Variants in TRAM2 observed in about 807,000 individuals in gnomAD.
TRAM2 encodes translocating chain-associated membrane protein 2.
TRAM2 carries 12 observed loss-of-function variants against 51.0 expected under a neutral mutation model. That is an observed-to-expected ratio of 0.24 (90% confidence interval 0.15 to 0.38). TRAM2 has a LOEUF of 0.38. Among genes scored for constraint, TRAM2 ranks in the 10% least tolerant of loss-of-function variants. The pLI, the probability that TRAM2 is intolerant of heterozygous loss-of-function variation, is 1.00. For synonymous variants in TRAM2, 175 were observed against 179.4 expected (o/e 0.98, Z 0.20); for missense variants, 361 against 462.0 (o/e 0.78, Z 2.00).
chr6:52,515,345 G>A (rs1766528299), intron 4 of TRAM2, among the ~76,000 whole-genome samples: 4 of 152,340 alleles, frequency 2.6e-5, no homozygotes, highest in Non-Finnish European at 5.9e-5. Flanking sequence ...TCCTTTCTAT[G>A]AGGGAATTTT....
At chr6:52,569,625 T>C (rs1203785871) in intron 1 of TRAM2, among the ~76,000 whole-genome samples, 2 of 151,768 alleles carry the variant, frequency 1.3e-5, no homozygotes, top group East Asian at 2.0e-4. Flanking sequence ...TCAACAGCAA[T>C]GGCTCGAGGT....
chr6:52,569,693 C>T (rs1767647100), intron 1 of TRAM2, among the ~76,000 whole-genome samples: 1 of 151,992 alleles, frequency 6.6e-6, no homozygotes. Context: ...AGACCTGACT[C>T]CTATCCACAA....
intron 1 of TRAM2, among the ~76,000 whole-genome samples, chr6:52,544,594 C>G (rs776231107): frequency 1.3e-5 from 2 of 152,234 alleles, no homozygotes; most frequent in Non-Finnish European, 2.9e-5. Flanking sequence ...CCATCTTGCT[C>G]GAGTCTACAA....
At chr6:52,505,014 C>T (rs1183623948) in intron 9 of TRAM2, among the ~76,000 whole-genome samples, 3 of 152,254 alleles carry the variant, frequency 2.0e-5, no homozygotes, top group South Asian at 2.1e-4. Flanking sequence ...TCTACAATCA[C>T]GCTACTCCTA....
chr6:52,512,606 G>A (rs1443745689), intron 4 of TRAM2, among the ~76,000 whole-genome samples: 2 of 152,190 alleles, frequency 1.3e-5, no homozygotes, highest in Non-Finnish European at 2.9e-5. Context: ...ACAGGCCCCA[G>A]CAGATGGTTT....
At chr6:52,507,275 G>A (rs567662090) in intron 7 of TRAM2, among the ~76,000 whole-genome samples, 29 of 152,334 alleles carry the variant, frequency 1.9e-4, no homozygotes, top group African/African-American at 7.0e-4. Flanking sequence ...TCTCTGTTGA[G>A]GGTCTTCTTC....
At chr6:52,504,878 C>A in intron 9 of TRAM2, 124 bp from the exon 10 acceptor site, 1 of 793,410 alleles carries the variant, frequency 1.3e-6, no homozygotes, top group Non-Finnish European at 2.0e-6. Flanking sequence ...TCCGCCTTCA[C>A]CACTGGCCCT....
intron 2 of TRAM2, chr6:52,529,403 C>CCTAA (rs3062724): frequency 0.69 from 104,215 of 151,744 alleles, 36,767 homozygotes; most frequent in East Asian, 0.89. Context: ...TATTTGAAAG[C>CCTAA]CTAGAGATTT....
At position 52,503,135 on chromosome 6, in the gene TRAM2, C is replaced by T. The variant is rs1195568726; in HGVS notation, c.*62G>A. ...AGGAAGGAGGAGGCAGGGAGGGGGC[C>T]TGGGCTCCTTGCCCCCTGCTCGGCC... On this transcript the variant is annotated 3_prime_UTR_variant, in exon 11 of 11. Coordinates refer to ENST00000182527, the MANE Select transcript of TRAM2 (RefSeq NM_012288.4). 2 of 1,404,248 alleles carry T rather than the reference C, an allele frequency of 1.4e-6. No individual in the cohort carries two copies. The highest frequency in any genetic ancestry group is 1.4e-5 in the African/African-American group (1 of 70,684). The allele number at this position is 1,404,248 out of a possible 1,614,324, so 87.0% of individuals were successfully genotyped here.
At position 52,510,484 on chromosome 6, in the gene TRAM2, G is replaced by A. The variant is rs149957527; in HGVS notation, c.412-898C>T. Among the ~76,000 whole-genome samples the A allele has an allele frequency of 8.9e-3, 1,354 of 152,296 alleles. 16 individuals carry two copies. The highest frequency in any genetic ancestry group is 0.026 in the Admixed American group (404 of 15,300). ...CAAAAGGCACTAGTTATGGGCCAGG[G>A]TTTTTGTGCCCATGTGAGAACAGAA... On this transcript the variant is annotated intron_variant, in intron 4 of 10. Coordinates refer to ENST00000182527, the MANE Select transcript of TRAM2 (RefSeq NM_012288.4).
intron 1 of TRAM2, among the ~76,000 whole-genome samples, chr6:52,568,232 G>A (rs1767622811): frequency 6.6e-6 from 1 of 152,142 alleles, no homozygotes; most frequent in Non-Finnish European, 1.5e-5. Context: ...TGAAAGAAGG[G>A]CACACGTTCC....
At chr6:52,575,020 G>T (rs953287445) in intron 1 of TRAM2, among the ~76,000 whole-genome samples, 5 of 152,198 alleles carry the variant, frequency 3.3e-5, no homozygotes, top group African/African-American at 4.8e-5. Flanking sequence ...GCACTTGGAG[G>T]CCTCTTAGAA....
intron 4 of TRAM2, among the ~76,000 whole-genome samples, chr6:52,515,236 A>T (rs1157350850): frequency 6.6e-6 from 1 of 152,214 alleles, no homozygotes; most frequent in Non-Finnish European, 1.5e-5. Context: ...GCCAGGTTAC[A>T]GGAAGGTAGA....
chr6:52,529,604 G>C (rs1226862534), intron 2 of TRAM2: 7 of 152,166 alleles, frequency 4.6e-5, no homozygotes, highest in Non-Finnish European at 1.0e-4. Context: ...CCCTTCAGAG[G>C]ACTCCCAGGG....
At position 52,503,178 on chromosome 6, in the gene TRAM2, T is replaced by C. The variant is rs769056221; in HGVS notation, c.*19A>G. The C allele has an allele frequency of 9.9e-6, 16 of 1,610,746 alleles. No individual in the cohort carries two copies. Among genetic ancestry groups the C allele is most frequent in the Non-Finnish European group, 1.4e-5 (16 of 1,177,370 alleles). On this transcript the variant is annotated 3_prime_UTR_variant, in exon 11 of 11. Coordinates refer to ENST00000182527, the MANE Select transcript of TRAM2 (RefSeq NM_012288.4). ...GCTCGGCCCCCACCAAGAGGATTCC[T>C]GTTCTTAGCACTTTGGCCTTAGGGA...
intron 1 of TRAM2, among the ~76,000 whole-genome samples, chr6:52,572,623 A>G (rs756401968): frequency 6.6e-6 from 1 of 152,222 alleles, no homozygotes; most frequent in Admixed American, 6.5e-5. Flanking sequence ...GTGTCCACAG[A>G]TGTATTATGT....
intron 1 of TRAM2, among the ~76,000 whole-genome samples, chr6:52,575,130 G>A (rs949324871): frequency 1.3e-5 from 2 of 152,208 alleles, no homozygotes; most frequent in Non-Finnish European, 2.9e-5. Flanking sequence ...GGCTCCAGGC[G>A]CAAGAGACTT....
intron 2 of TRAM2, among the ~76,000 whole-genome samples, chr6:52,529,364 T>G (rs939753915): frequency 2.6e-5 from 4 of 151,276 alleles, no homozygotes; most frequent in Non-Finnish European, 4.4e-5. Context: ...GGTTTCCCTA[T>G]CCTACCTTTG....
rs1455685003 is a variant in TRAM2 at position 52,504,647 on chromosome 6, T to C, written c.983A>G (p.Lys328Arg). 4 of 1,613,892 alleles carry C rather than the reference T, an allele frequency of 2.5e-6. No homozygotes were observed. Among genetic ancestry groups the C allele is most frequent in the Non-Finnish European group, 1.7e-6 (2 of 1,180,038 alleles). Residue 328 changes from lysine to arginine, a missense_variant, in exon 10 of 11, where the codon AAG becomes AGG. Physicochemically the swap from Lys to Arg is conservative, Grantham distance 26. Transcript: ENST00000182527. ...WREYWNEQSA[K>R]RRVPATPRLP... The stretch of plus-strand genomic sequence containing the variant: ...TCTGGGTGTGGCTGGGACTCTCCGC[T>C]TTGCACTCTGCTCATTCCAGTATTC...
Sources: gnomAD v4.1 joint callset for allele counts (sites outside exome capture counted in the v4.1 genomes callset) on GRCh38, gnomAD v4.1.1 for gene constraint, MANE v1.5 for transcripts, NCBI Gene and HGNC (gene_info 2026-07-23, HGNC 2026-07-21) for gene names.